The following DSTN variants were observed in gnomAD, a reference collection of about 807,000 sequenced individuals.
DSTN encodes the protein destrin, actin depolymerizing factor.
Under a neutral mutation model 16.8 loss-of-function variants are expected in DSTN, and 10 were observed. That is an observed-to-expected ratio of 0.60 (90% confidence interval 0.37 to 1.01). DSTN has a LOEUF of 1.01. DSTN is among the 50% of genes least tolerant of loss of function. The pLI is 0.01. For synonymous variants in DSTN, 57 were observed against 58.9 expected (o/e 0.97, Z 0.14); for missense variants, 141 against 196.7 (o/e 0.72, Z 1.69).
chr20:17,584,583 C>T (rs1165457306), intron 1 of DSTN, among the ~76,000 whole-genome samples: 2 of 149,028 alleles, frequency 1.3e-5, no homozygotes, highest in Non-Finnish European at 3.0e-5. Context: ...ACCCAGGAGG[C>T]GGAAGTTGCA....
At chr20:17,591,783 T>G in intron 1 of DSTN, 2 of 587,746 alleles carry the variant, frequency 3.4e-6, no homozygotes, top group Non-Finnish European at 4.3e-6. Flanking sequence ...TTGCCTAAGG[T>G]GACATAGCTA....
At chr20:17,571,434 A>G (rs1392458316) in intron 1 of DSTN, among the ~76,000 whole-genome samples, 1 of 152,226 alleles carries the variant, frequency 6.6e-6, no homozygotes, top group Non-Finnish European at 1.5e-5. Flanking sequence ...TTTCTTGATG[A>G]CTGTAGATAT....
chr20:17,588,914 C>T (rs2035440962), intron 1 of DSTN, among the ~76,000 whole-genome samples: 2 of 152,080 alleles, frequency 1.3e-5, no homozygotes, highest in South Asian at 4.2e-4. Context: ...TGTTTCAGCA[C>T]TCATTTACAT....
chr20:17,590,509 C>T (rs9679805), intron 1 of DSTN, among the ~76,000 whole-genome samples: 72,638 of 152,046 alleles, frequency 0.48, 21,554 homozygotes, highest in Non-Finnish European at 0.65. Flanking sequence ...AACTGTTCTC[C>T]AGTGGTCACT....
chr20:17,581,901 G>C (rs1055183754), intron 1 of DSTN, among the ~76,000 whole-genome samples: 2 of 151,992 alleles, frequency 1.3e-5, no homozygotes, highest in African/African-American at 4.8e-5. Flanking sequence ...TAGCTGTAAT[G>C]ACAGTTCCAA....
At chr20:17,588,757 C>G (rs2035438627) in intron 1 of DSTN, among the ~76,000 whole-genome samples, 1 of 152,184 alleles carries the variant, frequency 6.6e-6, no homozygotes, top group South Asian at 2.1e-4. Flanking sequence ...GCACTCCAGC[C>G]TGGGCAACAG....
At chr20:17,602,541 T>G (rs1374207769) in intron 2 of DSTN, among the ~76,000 whole-genome samples, 1 of 152,218 alleles carries the variant, frequency 6.6e-6, no homozygotes, top group African/African-American at 2.4e-5. Context: ...GGAAATTTAG[T>G]GTTAGTGCAG....
intron 1 of DSTN, among the ~76,000 whole-genome samples, chr20:17,572,681 G>C (rs367646581): frequency 1.3e-5 from 2 of 152,278 alleles, no homozygotes; most frequent in African/African-American, 4.8e-5. Flanking sequence ...AGTGAAATAG[G>C]TTGGGCATGT....
At chr20:17,605,014 A>G (rs1315369297) in intron 3 of DSTN, 2 of 455,650 alleles carry the variant, frequency 4.4e-6, no homozygotes, top group Non-Finnish European at 8.8e-6. Flanking sequence ...TAAAGTTGCA[A>G]AAAGGAAATG....
intron 1 of DSTN, among the ~76,000 whole-genome samples, chr20:17,586,004 C>CA (rs1219317642): frequency 1.3e-5 from 2 of 151,386 alleles, no homozygotes; most frequent in Non-Finnish European, 2.9e-5. Context: ...GTTTAATAGA[C>CA]AAAAAAGAAG....
intron 1 of DSTN, among the ~76,000 whole-genome samples, chr20:17,582,474 A>G (rs1158389879): frequency 6.6e-6 from 1 of 152,222 alleles, no homozygotes; most frequent in Non-Finnish European, 1.5e-5. Flanking sequence ...AAATAAGGGA[A>G]TGAGAGAGTG....
chr20:17,601,275 T>TC (rs1273075248), intron 2 of DSTN, among the ~76,000 whole-genome samples: 24 of 151,720 alleles, frequency 1.6e-4, no homozygotes, highest in African/African-American at 4.6e-4. Flanking sequence ...GTTTTTTTTT[T>TC]CAATGGGGAA....
At chr20:17,577,500 G>A (rs2035291547) in intron 1 of DSTN, among the ~76,000 whole-genome samples, 2 of 151,850 alleles carry the variant, frequency 1.3e-5, no homozygotes, top group South Asian at 4.2e-4. Context: ...CTGGGAGGCG[G>A]AGGTTGTGGT....
In DSTN at chr20:17,607,394, G is replaced by A; in HGVS notation, c.*248G>A. On this transcript the variant is annotated 3_prime_UTR_variant, in exon 4 of 4. Coordinates refer to ENST00000246069, the MANE Select transcript of DSTN (RefSeq NM_006870.4). ...GATGAGTTGATTTATAAAGATTTTTGTTAAGCTCAGGATTTTAAATTACAC... is the reference window on the plus strand; with the variant it reads ...GATGAGTTGATTTATAAAGATTTTTATTAAGCTCAGGATTTTAAATTACAC... The A allele has an allele frequency of 2.7e-6, 1 of 376,346 alleles. No homozygotes were observed. Among genetic ancestry groups the A allele is most frequent in the East Asian group, 4.2e-5 (1 of 23,536 alleles). The allele number at this position is 376,346 out of a possible 1,614,324, so 23.3% of individuals were successfully genotyped here.
chr20:17,609,238 C>CT lies in DSTN; in HGVS notation c.*2095dup, dbSNP rs1276062159. 1 of 152,204 alleles carries CT rather than the reference C, an allele frequency of 6.6e-6. No homozygotes were observed. Among genetic ancestry groups the CT allele is most frequent in the Non-Finnish European group, 1.5e-5 (1 of 68,056 alleles). 9.4% of individuals were successfully genotyped at this position (152,204 alleles called of 1,614,324 possible). A position where few individuals can be genotyped will look rare whatever the true frequency, so the allele number is the denominator to read the frequency against. ...TTGTTTTTTGAGACAGGGTCTCACTCTTTCCCCCAGGCTAGAGTGCAGTGG... is the reference window on the plus strand; with the variant it reads ...TTGTTTTTTGAGACAGGGTCTCACTCTTTTCCCCCAGGCTAGAGTGCAGTGG... On this transcript the variant is annotated 3_prime_UTR_variant, in exon 4 of 4. Coordinates refer to ENST00000246069, the MANE Select transcript of DSTN (RefSeq NM_006870.4).
chr20:17,578,966 A>G (rs1258896872), intron 1 of DSTN, among the ~76,000 whole-genome samples: 1 of 140,496 alleles, frequency 7.1e-6, no homozygotes, highest in Non-Finnish European at 1.6e-5. Context: ...CATCTCAAAA[A>G]AAAAAAAAAA....
In DSTN at chr20:17,570,129, C is replaced by T. The variant is rs16999426; in HGVS notation, c.-80C>T. 6,148 of 1,508,044 alleles carry T rather than the reference C, an allele frequency of 4.1e-3. 128 individuals are homozygous for T. The East Asian group carries it at 0.069, about 17-fold the overall frequency. The allele number at this position is 1,508,044 out of a possible 1,614,324, so 93.4% of individuals were successfully genotyped here. A position where few individuals can be genotyped will look rare whatever the true frequency, so the allele number is the denominator to read the frequency against. On this transcript the variant is annotated 5_prime_UTR_variant, in exon 1 of 4. Coordinates refer to ENST00000246069, the MANE Select transcript of DSTN (RefSeq NM_006870.4). ...AGCTCAGCGCTGGGTCTCTCGGTCCCGCAGCCGTGAGGAGGACGGTCTGCA... is the reference window on the plus strand; with the variant it reads ...AGCTCAGCGCTGGGTCTCTCGGTCCTGCAGCCGTGAGGAGGACGGTCTGCA...
intron 1 of DSTN, among the ~76,000 whole-genome samples, chr20:17,592,557 A>G (rs1480321803): frequency 6.6e-6 from 1 of 151,832 alleles, no homozygotes; most frequent in Non-Finnish European, 1.5e-5. Context: ...AAGTATATTC[A>G]TTAAATCTAA....
intron 1 of DSTN, among the ~76,000 whole-genome samples, chr20:17,570,552 C>G: frequency 6.6e-6 from 1 of 152,144 alleles, no homozygotes; most frequent in Admixed American, 6.5e-5. Context: ...TGAAATCCAT[C>G]CGGGGGTCTG....
Sources: gnomAD v4.1 joint callset for allele counts (sites outside exome capture counted in the v4.1 genomes callset) on GRCh38, gnomAD v4.1.1 for gene constraint, MANE v1.5 for transcripts, NCBI Gene and HGNC (gene_info 2026-07-23, HGNC 2026-07-21) for gene names.